Variants in USP6NL observed in about 807,000 individuals in gnomAD.
USP6NL encodes the protein USP6 N-terminal like.
Under a neutral mutation model 61.9 loss-of-function variants are expected in USP6NL, and 26 were observed. The observed-to-expected ratio is 0.42, with a 90% CI of 0.31 to 0.58. USP6NL has a LOEUF of 0.58. USP6NL is among the 20% of genes least tolerant of loss of function. The pLI, the probability that USP6NL is intolerant of heterozygous loss-of-function variation, is 0.16. For missense variants in USP6NL, 1,114 were observed against 1,034.3 expected (o/e 1.08, Z -1.06); for synonymous variants, 432 against 390.1 (o/e 1.11, Z -1.27).
intron 2 of USP6NL, among the ~76,000 whole-genome samples, chr10:11,545,141 A>G (rs961654938): frequency 7.9e-5 from 12 of 152,204 alleles, no homozygotes; most frequent in Admixed American, 4.6e-4. Flanking sequence ...AATTGTAAAT[A>G]TAATTAACAT....
rs368369394 is a variant in USP6NL, at chr10:11,470,648, C to A, written c.1079-6799G>T. On this transcript the variant is annotated intron_variant, in intron 14 of 14. Transcript: ENST00000609104. The surrounding 1 kb of genome is among the most constrained non-coding windows in gnomAD (Gnocchi z 5.4). ...AACTACCACCCCTAACCCCACCACA[C>A]AAACACTGCTCTACTTGTCTTTGGT... Among the ~76,000 whole-genome samples the A allele has an allele frequency of 6.6e-6, 1 of 152,202 alleles. No homozygotes were observed. The highest frequency in any genetic ancestry group is 1.5e-5 in the Non-Finnish European group (1 of 68,036).
At chr10:11,505,616 G>A (rs953017802) in intron 6 of USP6NL, among the ~76,000 whole-genome samples, 7 of 151,974 alleles carry the variant, frequency 4.6e-5, no homozygotes, top group Admixed American at 2.0e-4. Flanking sequence ...TCATAGATAT[G>A]ATACATAAAA....
At chr10:11,580,524 C>A (rs1445742156) in intron 2 of USP6NL, among the ~76,000 whole-genome samples, 3 of 152,002 alleles carry the variant, frequency 2.0e-5, no homozygotes, top group African/African-American at 4.8e-5. Flanking sequence ...GAGTGTACAC[C>A]ATGGAATACT....
At chr10:11,546,428 G>C (rs1051740708) in intron 2 of USP6NL, among the ~76,000 whole-genome samples, 7 of 152,246 alleles carry the variant, frequency 4.6e-5, no homozygotes, top group African/African-American at 1.7e-4. Flanking sequence ...TTCAGACGGA[G>C]TCTTGATCTG....
rs1257960545 is a variant in USP6NL, at chr10:11,600,251, C to A, written c.-83-2534G>T. Among the ~76,000 whole-genome samples the A allele has an allele frequency of 1.3e-5, 2 of 152,142 alleles. No individual in the cohort carries two copies. The highest frequency in any genetic ancestry group is 2.9e-5 in the Non-Finnish European group (2 of 68,036). The stretch of plus-strand genomic sequence containing the variant: ...AGGTACTCTAAGTCTAAGGGCGTGG[C>A]CATATGACTTGCTGGAATGGTTCTA... On this transcript the variant is annotated intron_variant, in intron 1 of 14. Transcript: ENST00000609104. This position sits in a 1 kb window ranked among gnomAD's most constrained non-coding sequence, Gnocchi z 4.1.
intron 5 of USP6NL, among the ~76,000 whole-genome samples, chr10:11,516,084 A>G (rs1421304112): frequency 6.6e-6 from 1 of 152,198 alleles, no homozygotes; most frequent in Non-Finnish European, 1.5e-5. Context: ...CATTATTAAT[A>G]CAGTTCTCTA....
chr10:11,493,355 C>A (rs1833782446), intron 7 of USP6NL, 127 bp from the exon 8 acceptor site: 1 of 738,336 alleles, frequency 1.4e-6, no homozygotes, highest in Admixed American at 2.8e-5. Context: ...TAAAAAAAAT[C>A]AAAACTATAT....
Position 11,462,630 on chromosome 10 carries a change from G to C in USP6NL, c.2298C>G (p.Ala766=), listed in dbSNP as rs1566106287. The C allele has an allele frequency of 6.2e-7, 1 of 1,614,028 alleles. No homozygotes were observed. The highest frequency in any genetic ancestry group is 2.2e-5 in the East Asian group (1 of 44,884). Residue 766 remains alanine (A), a synonymous_variant, in exon 15 of 15, where the codon GCC becomes GCG. Transcript: ENST00000609104. The part of the protein sequence containing the change: ...ASRGNLPKYS[A]FQLAPFQDHG... ...GGTCCTGAAAGGGTGCGAGTTGAAA[G>C]GCTGAGTATTTTGGTAAATTGCCAC...
rs1835163825 is a variant in USP6NL, at chr10:11,520,501, T to C, written c.156-1927A>G. ...CCCTGTAATGCCCAGAATACGTAAG[T>C]TGGCATGCTGGAAGAGCTCAGTAAA... On this transcript the variant is annotated intron_variant, in intron 4 of 14. Transcript: ENST00000609104. The surrounding 1 kb of genome is among the most constrained non-coding windows in gnomAD (Gnocchi z 5.2). 6.6e-6 allele frequency among the ~76,000 whole-genome samples: 1 copy of C among 152,198 alleles called. No individual in the cohort carries two copies. The highest frequency in any genetic ancestry group is 2.4e-5 in the African/African-American group (1 of 41,444).
rs1835890259 is a variant in USP6NL at position 11,537,786 on chromosome 10, C to T, written c.5-10219G>A. Among the ~76,000 whole-genome samples, 1 of 152,166 alleles carries T rather than the reference C, an allele frequency of 6.6e-6. No homozygotes were observed. Among genetic ancestry groups the T allele is most frequent in the South Asian group, 2.1e-4 (1 of 4,830 alleles). On this transcript the variant is annotated intron_variant, in intron 2 of 14. Transcript: ENST00000609104. The surrounding 1 kb of genome is among the most constrained non-coding windows in gnomAD (Gnocchi z 5.1). Reference sequence around the variant, plus strand: ...GAAGGACCAGGCACACACACTGCACCTGCTGGCCTCTGGGTGTGCCCACTT... The same window carrying T: ...GAAGGACCAGGCACACACACTGCACTTGCTGGCCTCTGGGTGTGCCCACTT...
rs1201915989 is a variant in USP6NL, at chr10:11,468,083, G to A, written c.1079-4234C>T. 6.6e-6 allele frequency among the ~76,000 whole-genome samples: 1 copy of A among 152,198 alleles called. No homozygotes were observed. The highest frequency in any genetic ancestry group is 2.4e-5 in the African/African-American group (1 of 41,452). On this transcript the variant is annotated intron_variant, in intron 14 of 14. Coordinates refer to ENST00000609104, the MANE Select transcript of USP6NL (RefSeq NM_014688.5). The surrounding 1 kb of genome is among the most constrained non-coding windows in gnomAD (Gnocchi z 4.5). ...ATCAAGTATGGCATCGCTTGATGGA[G>A]TCATGATGAGTGATCACCTTCTTTG...
rs1158106678 is a variant in USP6NL at position 11,490,748 on chromosome 10, A to G, written c.543+84T>C. On this transcript the variant is annotated intron_variant, in intron 9 of 14. Coordinates refer to ENST00000609104, the MANE Select transcript of USP6NL (RefSeq NM_014688.5). This position sits in a 1 kb window ranked among gnomAD's most constrained non-coding sequence, Gnocchi z 4.5. ...TGGAGACCACCTAGCTCTGAGATGCAGAAATGTGCCCACAGGGCCCTGCTA... is the reference window on the plus strand; with the variant it reads ...TGGAGACCACCTAGCTCTGAGATGCGGAAATGTGCCCACAGGGCCCTGCTA... The G allele has an allele frequency of 3.7e-6, 5 of 1,356,778 alleles. No individual in the cohort carries two copies. The highest frequency in any genetic ancestry group is 3.0e-5 in the African/African-American group (2 of 67,556). 84.0% of individuals were successfully genotyped at this position (1,356,778 alleles called of 1,614,324 possible).
At chr10:11,566,654 T>A (rs931522602) in intron 2 of USP6NL, among the ~76,000 whole-genome samples, 1 of 152,252 alleles carries the variant, frequency 6.6e-6, no homozygotes, top group Non-Finnish European at 1.5e-5. Flanking sequence ...GCAATGTGGC[T>A]ATTGAGTACT....
intron 2 of USP6NL, among the ~76,000 whole-genome samples, chr10:11,534,369 A>T (rs941915763): frequency 5.9e-5 from 9 of 152,238 alleles, no homozygotes; most frequent in Admixed American, 2.0e-4. Context: ...TCTTTTACAC[A>T]AAATAAGAAA....
At chr10:11,545,305 G>C (rs1056173782) in intron 2 of USP6NL, among the ~76,000 whole-genome samples, 1 of 152,130 alleles carries the variant, frequency 6.6e-6, no homozygotes, top group Non-Finnish European at 1.5e-5. Flanking sequence ...TTTCTGGGGA[G>C]AATGTCCTCT....
chr10:11,557,356 CT>C (rs1836747388), intron 2 of USP6NL, among the ~76,000 whole-genome samples: 1 of 152,180 alleles, frequency 6.6e-6, no homozygotes, highest in Non-Finnish European at 1.5e-5. Context: ...ATACCCAACA[CT>C]TAATAGCAAT....
chr10:11,500,963 A>T, intron 7 of USP6NL, 138 bp downstream of exon 7: 1 of 586,766 alleles, frequency 1.7e-6, no homozygotes. Flanking sequence ...AAACAAATAG[A>T]CCTCCAAAAC....
chr10:11,489,459 G>A lies in USP6NL; in HGVS notation c.544-237C>T, dbSNP rs1469999421. On this transcript the variant is annotated intron_variant, in intron 9 of 14. Coordinates refer to ENST00000609104, the MANE Select transcript of USP6NL (RefSeq NM_014688.5). This position sits in a 1 kb window ranked among gnomAD's most constrained non-coding sequence, Gnocchi z 5.7. ...ATTGCTACATATTTTTATTGGACTC[G>A]GTCTTCAATACTGTCACACTTTCTT... 1.3e-5 allele frequency among the ~76,000 whole-genome samples: 2 copies of A among 152,054 alleles called. No individual in the cohort carries two copies. The highest frequency in any genetic ancestry group is 1.9e-4 in the East Asian group (1 of 5,196).
intron 2 of USP6NL, chr10:11,573,739 C>G (rs760770016): frequency 4.5e-5 from 18 of 398,412 alleles, no homozygotes; most frequent in Non-Finnish European, 8.0e-5. Context: ...GGTTTCATCA[C>G]CAGAAGCTCA....
Sources: gnomAD v4.1 joint callset for allele counts (sites outside exome capture counted in the v4.1 genomes callset) on GRCh38, gnomAD v4.1.1 for gene constraint, Gnocchi (gnomAD v3.1) non-coding constraint, MANE v1.5 for transcripts, NCBI Gene and HGNC (gene_info 2026-07-23, HGNC 2026-07-21) for gene names.